MACROD2: variants seen among roughly 807,000 people sequenced by gnomAD.
MACROD2 encodes mono-ADP ribosylhydrolase 2.
In MACROD2, 36 loss-of-function variants were observed where a neutral mutation model predicts 70.4. The observed-to-expected ratio is 0.51, with a 90% CI of 0.39 to 0.68. The LOEUF is 0.68. Among genes scored for constraint, MACROD2 ranks in the 30% least tolerant of loss-of-function variants. MACROD2 has a pLI of 0.00. For synonymous variants in MACROD2, 172 were observed against 178.8 expected, an observed-to-expected ratio of 0.96 and a Z score of 0.30; for missense variants, 496 against 538.4, an observed-to-expected ratio of 0.92 and a Z score of 0.78.
At chr20:15,534,994 G>C (rs2047854584) in intron 8 of MACROD2, among the ~76,000 whole-genome samples, 1 of 151,844 alleles carries the variant, frequency 6.6e-6, no homozygotes, top group Non-Finnish European at 1.5e-5. Flanking sequence ...ATGTTTTTTT[G>C]AGACGGGCTC....
intron 8 of MACROD2, among the ~76,000 whole-genome samples, chr20:15,835,790 A>G (rs1231140525): frequency 6.6e-6 from 1 of 152,232 alleles, no homozygotes; most frequent in Non-Finnish European, 1.5e-5. Context: ...CATCTTAAGC[A>G]TCAAAAACTA....
chr20:15,545,826 C>T (rs990833712), intron 8 of MACROD2, among the ~76,000 whole-genome samples: 1 of 152,126 alleles, frequency 6.6e-6, no homozygotes, highest in East Asian at 1.9e-4. Flanking sequence ...GAATGCCTTC[C>T]ATTTGAAGGT....
At chr20:14,660,806 G>A (rs1986189270) in intron 4 of MACROD2, among the ~76,000 whole-genome samples, 2 of 151,916 alleles carry the variant, frequency 1.3e-5, no homozygotes, top group Admixed American at 1.3e-4. Flanking sequence ...GCGATTTTTG[G>A]TTTTCTCTTC....
intron 8 of MACROD2, among the ~76,000 whole-genome samples, chr20:15,578,192 A>G (rs1151927): frequency 0.72 from 110,200 of 152,028 alleles, 44,429 homozygotes; most frequent in Non-Finnish European, 0.91. Context: ...AAATAGACAC[A>G]ATATTTGAGT....
chr20:15,196,799 T>A, intron 5 of MACROD2: 2 of 924,618 alleles, frequency 2.2e-6, no homozygotes, highest in Non-Finnish European at 2.6e-6. Context: ...CCCCATAATA[T>A]TTCTCTACCC....
chr20:15,106,668 T>A (rs552366014), intron 5 of MACROD2, among the ~76,000 whole-genome samples: 2 of 152,284 alleles, frequency 1.3e-5, no homozygotes, highest in Admixed American at 1.3e-4. Context: ...CCCCAGATAG[T>A]GGTTCTTGAG....
At chr20:14,306,980 C>T (rs1369081393) in intron 3 of MACROD2, among the ~76,000 whole-genome samples, 1 of 150,634 alleles carries the variant, frequency 6.6e-6, no homozygotes, top group African/African-American at 2.4e-5. Flanking sequence ...GTATTCTATA[C>T]GCCTCAAAGT....
At chr20:14,859,482 G>T (rs388996) in intron 5 of MACROD2, among the ~76,000 whole-genome samples, 1 of 151,922 alleles carries the variant, frequency 6.6e-6, no homozygotes, top group East Asian at 1.9e-4. Flanking sequence ...CTATGATCAT[G>T]CTAGTGCTCA....
At chr20:14,694,253 G>A (rs2071095868) in intron 5 of MACROD2, among the ~76,000 whole-genome samples, 1 of 152,146 alleles carries the variant, frequency 6.6e-6, no homozygotes, top group South Asian at 2.1e-4. Context: ...AATTTTTGGA[G>A]ATAACAAAGG....
chr20:14,071,252 G>GT (rs59052053), intron 2 of MACROD2, among the ~76,000 whole-genome samples: 1,473 of 63,874 alleles, frequency 0.023, 418 homozygotes, highest in Middle Eastern at 0.083. Context: ...TTCATCTTGT[G>GT]TTTTTTTTTT....
chr20:15,388,053 C>T (rs1399007904), intron 6 of MACROD2, among the ~76,000 whole-genome samples: 2 of 151,932 alleles, frequency 1.3e-5, no homozygotes, highest in Non-Finnish European at 1.5e-5. Context: ...GGGGAGGTTT[C>T]GCTAAACTCC....
intron 2 of MACROD2, among the ~76,000 whole-genome samples, chr20:14,078,144 C>T (rs113644165): frequency 0.22 from 33,025 of 151,940 alleles, 3,762 homozygotes; most frequent in African/African-American, 0.27. Context: ...TCAGGTGATC[C>T]GCCTGCCTCG....
At chr20:14,395,409 C>T (rs1033925656) in intron 3 of MACROD2, among the ~76,000 whole-genome samples, 5 of 151,978 alleles carry the variant, frequency 3.3e-5, no homozygotes, top group Non-Finnish European at 5.9e-5. Context: ...TTCTTATTAT[C>T]CTTTTAACAT....
At chr20:15,636,089 A>AAAAAAAAAAAAAAAAAAAAAAAAAG (rs1459679844) in intron 8 of MACROD2, among the ~76,000 whole-genome samples, 3 of 134,982 alleles carry the variant, frequency 2.2e-5, no homozygotes, top group Admixed American at 7.9e-5. Context: ...AAAAAAAAAA[A>AAAAAAAAAAAAAAAAAAAAAAAAAG]AAAGAAAGAA....
At chr20:15,759,553 G>A (rs186144509) in intron 8 of MACROD2, among the ~76,000 whole-genome samples, 37 of 152,118 alleles carry the variant, frequency 2.4e-4, no homozygotes, top group Non-Finnish European at 5.1e-4. Context: ...AAATGCCTAG[G>A]TTTCACTTGT....
At chr20:15,427,573 C>T (rs990703565) in intron 6 of MACROD2, among the ~76,000 whole-genome samples, 4 of 152,082 alleles carry the variant, frequency 2.6e-5, no homozygotes, top group Non-Finnish European at 4.4e-5. Flanking sequence ...CAGGAGTAGG[C>T]TGAAGGAGAA....
chr20:14,363,742 G>A (rs574565516), intron 3 of MACROD2, among the ~76,000 whole-genome samples: 3 of 150,518 alleles, frequency 2.0e-5, no homozygotes, highest in South Asian at 4.2e-4. Flanking sequence ...GCGTGAACCC[G>A]GGAGGCGGAG....
At chr20:14,955,393 T>G (rs2122747934) in intron 5 of MACROD2, among the ~76,000 whole-genome samples, 1 of 150,044 alleles carries the variant, frequency 6.7e-6, no homozygotes, top group Non-Finnish European at 1.5e-5. Flanking sequence ...TCCATCAGTT[T>G]TGCCCTTCTC....
chr20:14,868,621 G>T (rs2073453821), intron 5 of MACROD2, among the ~76,000 whole-genome samples: 2 of 152,076 alleles, frequency 1.3e-5, no homozygotes, highest in Admixed American at 6.6e-5. Context: ...GAATCATTAA[G>T]GTGTTTTCCC....
Sources: allele counts gnomAD v4.1 joint callset (sites outside exome capture counted in the v4.1 genomes callset), GRCh38; gene constraint gnomAD v4.1.1; transcripts MANE v1.5; gene names NCBI Gene and HGNC (gene_info 2026-07-23, HGNC 2026-07-21).